Variants in ZNF98 observed in about 807,000 individuals in gnomAD.
The protein encoded by ZNF98 is zinc finger protein 739.
Under a neutral mutation model 12.8 loss-of-function variants are expected in ZNF98, and 8 were observed. That is an observed-to-expected ratio of 0.63 (90% confidence interval 0.37 to 1.13). The LOEUF is 1.13. Ranked by LOEUF, ZNF98 falls within the 50% of genes most tolerant of loss-of-function variation. The probability of loss-of-function intolerance (pLI) is 0.01; values close to 1 mark genes in which losing one functional copy is unlikely to be tolerated. For synonymous variants in ZNF98, 112 were observed against 223.5 expected, an observed-to-expected ratio of 0.50 and a Z score of 4.45; for missense variants, 379 against 666.1, an observed-to-expected ratio of 0.57 and a Z score of 4.74.
At chr19:22,397,213 TGTG>T (rs1407135330) in intron 3 of ZNF98, among the ~76,000 whole-genome samples, 3 of 7,272 alleles carry the variant, frequency 4.1e-4, no homozygotes, top group East Asian at 0.017. Context: ...TGTGTGTTTT[TGTG>T]TGTGTGTGTG....
At chr19:22,409,093 T>C (rs541572836) in intron 1 of ZNF98, among the ~76,000 whole-genome samples, 1 of 152,164 alleles carries the variant, frequency 6.6e-6, no homozygotes, top group East Asian at 1.9e-4. Flanking sequence ...AAAACAGACA[T>C]ACAGACCAAT....
intron 1 of ZNF98, among the ~76,000 whole-genome samples, chr19:22,417,173 G>A (rs541535280): frequency 7.0e-6 from 1 of 143,056 alleles, no homozygotes; most frequent in Non-Finnish European, 1.5e-5. Flanking sequence ...AGGTTGCGGT[G>A]AGCCAAGATC....
At chr19:22,408,867 T>A (rs558192009) in intron 1 of ZNF98, among the ~76,000 whole-genome samples, 1 of 152,312 alleles carries the variant, frequency 6.6e-6, no homozygotes, top group East Asian at 1.9e-4. Context: ...CTGCCCAAAG[T>A]AATTTATGGA....
chr19:22,403,089 G>A (rs1449469108), intron 2 of ZNF98, among the ~76,000 whole-genome samples: 2 of 151,616 alleles, frequency 1.3e-5, no homozygotes. Flanking sequence ...ATCAAAAACT[G>A]GTAGTGGCAA....
At chr19:22,401,103 TAAA>T (rs201737545) in intron 3 of ZNF98, among the ~76,000 whole-genome samples, 5 of 104,614 alleles carry the variant, frequency 4.8e-5, no homozygotes, top group Non-Finnish European at 8.7e-5. Context: ...GTGGAATAAG[TAAA>T]AAAAAAAAAA....
chr19:22,419,405 G>C (rs1299706582), intron 1 of ZNF98, among the ~76,000 whole-genome samples: 2 of 152,066 alleles, frequency 1.3e-5, no homozygotes, highest in African/African-American at 2.4e-5. Flanking sequence ...GGGTGAGCAG[G>C]CTGGGACATC....
At chr19:22,400,750 C>G (rs926608017) in intron 3 of ZNF98, among the ~76,000 whole-genome samples, 6 of 151,772 alleles carry the variant, frequency 4.0e-5, no homozygotes, top group African/African-American at 1.2e-4. Context: ...GTCAGGAGTT[C>G]AAGACCAGCC....
intron 3 of ZNF98, among the ~76,000 whole-genome samples, chr19:22,393,790 C>G (rs1969359948): frequency 6.6e-6 from 1 of 152,138 alleles, no homozygotes; most frequent in African/African-American, 2.4e-5. Flanking sequence ...GACTTCATGA[C>G]TAAAACACCA....
rs372710900 is a variant in ZNF98, at chr19:22,414,061, C to G, written c.30+8134G>C. Among the ~76,000 whole-genome samples, 210 of 150,804 alleles carry G rather than the reference C, an allele frequency of 1.4e-3. 3 individuals are homozygous for G. The South Asian group carries it at 0.022, about 16-fold the overall frequency. On this transcript the variant is annotated intron_variant, in intron 1 of 3. Coordinates refer to ENST00000357774, the MANE Select transcript of ZNF98 (RefSeq NM_001098626.2). ...GACCAGCCTGCCAACATGGTGAAACCCTATCTCTACTAAAAATACAAAAAT... is the reference window on the plus strand; with the variant it reads ...GACCAGCCTGCCAACATGGTGAAACGCTATCTCTACTAAAAATACAAAAAT...
At chr19:22,418,045 A>C (rs1054237841) in intron 1 of ZNF98, among the ~76,000 whole-genome samples, 54 of 152,082 alleles carry the variant, frequency 3.6e-4, no homozygotes, top group African/African-American at 1.2e-3. Context: ...TCTTGTACCA[A>C]ATCTGTAGAG....
intron 1 of ZNF98, among the ~76,000 whole-genome samples, chr19:22,403,796 T>A (rs886765053): frequency 6.6e-6 from 1 of 152,232 alleles, no homozygotes; most frequent in African/African-American, 2.4e-5. Context: ...CACTTTTGAG[T>A]GCTACATTTA....
intron 3 of ZNF98, 136 bp from the exon 4 acceptor site, chr19:22,393,117 CA>C (rs2145106188): frequency 1.0e-6 from 1 of 953,794 alleles, no homozygotes; most frequent in East Asian, 2.9e-5. Flanking sequence ...AACATTTTCA[CA>C]GACATATAAA....
chr19:22,404,773 A>G (rs909360170), intron 1 of ZNF98, among the ~76,000 whole-genome samples: 3 of 152,104 alleles, frequency 2.0e-5, no homozygotes, highest in African/African-American at 7.2e-5. Context: ...TCTTTCTTTC[A>G]CACCCTAAAG....
intron 3 of ZNF98, among the ~76,000 whole-genome samples, chr19:22,393,499 G>T (rs1230226572): frequency 2.6e-5 from 4 of 151,830 alleles, no homozygotes; most frequent in Non-Finnish European, 5.9e-5. Flanking sequence ...TAGACCAATG[G>T]AACAGAATAG....
chr19:22,416,093 A>C (rs996901880), intron 1 of ZNF98, among the ~76,000 whole-genome samples: 4 of 151,402 alleles, frequency 2.6e-5, no homozygotes, highest in Admixed American at 6.6e-5. Context: ...GCAGTGAGCC[A>C]AAACCGTGTC....
chr19:22,418,383 A>C (rs990280191), intron 1 of ZNF98, among the ~76,000 whole-genome samples: 11 of 152,248 alleles, frequency 7.2e-5, no homozygotes, highest in Non-Finnish European at 1.5e-5. Flanking sequence ...TATAAGACAA[A>C]GAAAAAAAAT....
intron 3 of ZNF98, among the ~76,000 whole-genome samples, chr19:22,397,586 T>C (rs1350111179): frequency 2.7e-5 from 4 of 149,970 alleles, no homozygotes; most frequent in Non-Finnish European, 4.4e-5. Flanking sequence ...ATGAAATGAG[T>C]ATACAACGAG....
intron 1 of ZNF98, among the ~76,000 whole-genome samples, chr19:22,410,064 C>T (rs779113405): frequency 1.3e-5 from 2 of 152,066 alleles, no homozygotes; most frequent in Non-Finnish European, 2.9e-5. Flanking sequence ...TACCATCTCA[C>T]ACCAGTCAGA....
rs144753548 is a variant in ZNF98 at position 22,391,656 on chromosome 19, A to G, written c.1579T>C (p.Phe527Leu). ...PYKCEECGKA[F>L]NNSSILNRHK... ...CTGTTAAGAATAGAGGAGTTGTTAA[A>G]GGCTTTGCCGCATTCTTCACACTTG... The change falls in exon 4 of 4, where the codon TTT (phenylalanine) becomes CTT (leucine). Residue 527 changes from phenylalanine to leucine, a missense_variant. Phe to Leu is a conservative substitution (Grantham distance 22). Coordinates refer to ENST00000357774, the MANE Select transcript of ZNF98 (RefSeq NM_001098626.2). 1,975 of 1,611,990 alleles carry G rather than the reference A, an allele frequency of 1.2e-3. No homozygotes were observed. The African/African-American group carries it at 0.022, about 18-fold the overall frequency.
Sources: allele counts gnomAD v4.1 joint callset (sites outside exome capture counted in the v4.1 genomes callset), GRCh38; gene constraint gnomAD v4.1.1; transcripts MANE v1.5; gene names NCBI Gene and HGNC (gene_info 2026-07-23, HGNC 2026-07-21).